TLE1: variants seen among roughly 807,000 people sequenced by gnomAD.
The protein encoded by TLE1 is transducin-like enhancer protein 1.
TLE1 carries 21 observed loss-of-function variants against 89.8 expected under a neutral mutation model. That is an observed-to-expected ratio of 0.23 (90% CI 0.17 to 0.34). TLE1 has a LOEUF of 0.34. Ranked by LOEUF, TLE1 falls within the 10% of genes least tolerant of loss-of-function variation. The probability of loss-of-function intolerance (pLI) is 1.00; values close to 1 mark genes in which losing one functional copy is unlikely to be tolerated. For synonymous variants in TLE1, 447 were observed against 407.6 expected, an observed-to-expected ratio of 1.10 and a Z score of -1.16; for missense variants, 795 against 1,031.2, an observed-to-expected ratio of 0.77 and a Z score of 3.14.
At chr9:81,682,730 G>A (rs1833783900) in intron 4 of TLE1, among the ~76,000 whole-genome samples, 1 of 152,132 alleles carries the variant, frequency 6.6e-6, no homozygotes, top group Admixed American at 6.5e-5. Context: ...GATGGTATCA[G>A]AACTGCCTCA....
rs1356845584 is a variant in TLE1 at position 81,616,142 on chromosome 9, A to G, written c.766-8T>C. ...TCGCGGAGAAGAAGGGTCCTCAACAAGCATAATCAAAAGTTTTCGTGATTT... is the reference window on the plus strand; with the variant it reads ...TCGCGGAGAAGAAGGGTCCTCAACAGGCATAATCAAAAGTTTTCGTGATTT... On this transcript the variant is annotated splice_polypyrimidine_tract_variant and splice_region_variant and intron_variant, in intron 10 of 19. Coordinates refer to ENST00000376499, the MANE Select transcript of TLE1 (RefSeq NM_005077.5). 1 of 1,592,828 alleles carries G rather than the reference A, an allele frequency of 6.3e-7. No individual in the cohort carries two copies. The highest frequency in any genetic ancestry group is 8.5e-7 in the Non-Finnish European group (1 of 1,173,700).
chr9:81,628,880 G>C (rs573204449), intron 8 of TLE1, among the ~76,000 whole-genome samples: 2 of 152,122 alleles, frequency 1.3e-5, no homozygotes, highest in Non-Finnish European at 2.9e-5. Flanking sequence ...CCCTTTCTGA[G>C]AATTTGATGA....
At chr9:81,636,688 G>A (rs139641324) in intron 6 of TLE1, among the ~76,000 whole-genome samples, 618 of 152,136 alleles carry the variant, frequency 4.1e-3, no homozygotes, top group Admixed American at 6.3e-3. Context: ...AACATACTCC[G>A]GTAATATTTA....
At chr9:81,610,005 C>T (rs1426806284) in intron 14 of TLE1, among the ~76,000 whole-genome samples, 1 of 152,168 alleles carries the variant, frequency 6.6e-6, no homozygotes, top group African/African-American at 2.4e-5. Context: ...AGTTTCTCTC[C>T]AGAAATAACT....
chr9:81,629,002 TC>T (rs1421810763), intron 8 of TLE1, among the ~76,000 whole-genome samples: 1 of 152,162 alleles, frequency 6.6e-6, no homozygotes, highest in African/African-American at 2.4e-5. Context: ...CTCCAGAGTC[TC>T]CTCCCTTTTC....
intron 13 of TLE1, among the ~76,000 whole-genome samples, chr9:81,610,799 G>T (rs1207253894): frequency 1.7e-5 from 2 of 115,226 alleles, no homozygotes; most frequent in African/African-American, 6.7e-5. Context: ...ATTATCAAAT[G>T]TCCTCAAGGG....
chr9:81,628,101 G>C (rs947846644), intron 8 of TLE1, among the ~76,000 whole-genome samples: 2 of 152,194 alleles, frequency 1.3e-5, no homozygotes, highest in Non-Finnish European at 2.9e-5. Flanking sequence ...AAATAGGAGA[G>C]AAACCCAGAA....
rs544968588 is a variant in TLE1, at chr9:81,589,486, G to C, written c.1829+1319C>G. Among the ~76,000 whole-genome samples the C allele has an allele frequency of 1.3e-4, 20 of 152,104 alleles. 1 individual carries two copies. Among genetic ancestry groups the C allele is most frequent in the Non-Finnish European group, 2.9e-4 (20 of 68,032 alleles). On this transcript the variant is annotated intron_variant, in intron 16 of 19. Coordinates refer to ENST00000376499, the MANE Select transcript of TLE1 (RefSeq NM_005077.5). ...TGGTCCAGAGAAAGATTTGTAAGACGCTACCCCATTCTATCCAACAGGTAT... is the reference window on the plus strand; with the variant it reads ...TGGTCCAGAGAAAGATTTGTAAGACCCTACCCCATTCTATCCAACAGGTAT...
intron 7 of TLE1, 95 bp downstream of exon 7, chr9:81,634,002 G>C: frequency 7.5e-7 from 1 of 1,326,440 alleles, no homozygotes; most frequent in Non-Finnish European, 1.0e-6. Flanking sequence ...TTTGCTCTCT[G>C]TATAGGTTGG....
At chr9:81,611,410 G>C (rs138818364) in intron 13 of TLE1, among the ~76,000 whole-genome samples, 3 of 152,270 alleles carry the variant, frequency 2.0e-5, no homozygotes, top group East Asian at 1.9e-4. Flanking sequence ...GAATGAAAAG[G>C]CTTCTGTGAA....
At chr9:81,678,666 A>ATAGC (rs1833206238) in intron 4 of TLE1, among the ~76,000 whole-genome samples, 1 of 152,094 alleles carries the variant, frequency 6.6e-6, no homozygotes, top group Admixed American at 6.6e-5. Context: ...AACACAAAAA[A>ATAGC]TAGCTGAGTG....
intron 4 of TLE1, among the ~76,000 whole-genome samples, chr9:81,668,391 T>C (rs895257109): frequency 1.3e-5 from 2 of 152,166 alleles, no homozygotes; most frequent in African/African-American, 4.8e-5. Flanking sequence ...TTTAAGTATT[T>C]AGAAGAGAGT....
chr9:81,682,630 A>C (rs1833771475), intron 4 of TLE1, among the ~76,000 whole-genome samples: 1 of 152,220 alleles, frequency 6.6e-6, no homozygotes, highest in Non-Finnish European at 1.5e-5. Context: ...AAAAACATTT[A>C]AAGATCACGC....
chr9:81,604,652 C>T (rs1249408217), intron 14 of TLE1, among the ~76,000 whole-genome samples: 1 of 152,118 alleles, frequency 6.6e-6, no homozygotes, highest in Non-Finnish European at 1.5e-5. Flanking sequence ...TGTCACTGCA[C>T]GAGGCTATCT....
intron 8 of TLE1, among the ~76,000 whole-genome samples, chr9:81,622,038 C>T (rs1825331118): frequency 6.6e-6 from 1 of 152,144 alleles, no homozygotes; most frequent in African/African-American, 2.4e-5. Flanking sequence ...GAACTAATTA[C>T]CTAGATACAT....
In TLE1 at chr9:81,689,542, T is replaced by C. The variant is rs527968820; in HGVS notation, c.-1302A>G. On this transcript the variant is annotated 5_prime_UTR_variant, in exon 1 of 20. The change abolishes the stop of an existing upstream ORF in the 5' untranslated region. Coordinates refer to ENST00000376499, the MANE Select transcript of TLE1 (RefSeq NM_005077.5). ...CGCCGCCCGCGCCTCTCGCGCCGCTTACATTAACACGCGGTTTCACACTCC... is the reference window on the plus strand; with the variant it reads ...CGCCGCCCGCGCCTCTCGCGCCGCTCACATTAACACGCGGTTTCACACTCC... 3.0e-3 allele frequency among the ~76,000 whole-genome samples: 462 copies of C among 152,072 alleles called. 6 individuals are homozygous for C. Among genetic ancestry groups the C allele is most frequent in the African/African-American group, 0.011 (438 of 41,508 alleles).
intron 4 of TLE1, among the ~76,000 whole-genome samples, chr9:81,677,007 T>C (rs1832980360): frequency 2.0e-5 from 3 of 152,020 alleles, no homozygotes; most frequent in South Asian, 2.1e-4. Flanking sequence ...GAGGCCAAAA[T>C]GGACGGATCA....
At position 81,587,926 on chromosome 9, in the gene TLE1, G is replaced by GTCATCCCGCC. The variant is rs374682917; in HGVS notation, c.1830-99_1830-98insGGCGGGATGA. On this transcript the variant is annotated intron_variant, in intron 16 of 19. Coordinates refer to ENST00000376499, the MANE Select transcript of TLE1 (RefSeq NM_005077.5). ...TTGGACCGTGTGTGTGTGTGTGTGT[G>GTCATCCCGCC]TGTGTGTGTGTGTGTGTGTGATCCC... 592 of 876,922 alleles carry GTCATCCCGCC rather than the reference G, an allele frequency of 6.8e-4. 21 individuals are homozygous for GTCATCCCGCC. Among genetic ancestry groups the GTCATCCCGCC allele is most frequent in the South Asian group, 1.3e-3 (65 of 48,834 alleles). 54.3% of individuals were successfully genotyped at this position (876,922 alleles called of 1,614,324 possible).
At chr9:81,628,471 C>T (rs1052956181) in intron 8 of TLE1, among the ~76,000 whole-genome samples, 1 of 152,070 alleles carries the variant, frequency 6.6e-6, no homozygotes, top group African/African-American at 2.4e-5. Flanking sequence ...TATTCTTTTC[C>T]AAAGCAAGCC....
Sources: gnomAD v4.1 joint callset for allele counts (sites outside exome capture counted in the v4.1 genomes callset) on GRCh38, gnomAD v4.1.1 for gene constraint, MANE v1.5 for transcripts, NCBI Gene and HGNC (gene_info 2026-07-23, HGNC 2026-07-21) for gene names.